Variants in FARS2 observed in about 807,000 individuals in gnomAD.
FARS2 encodes the protein phenylalanine--tRNA ligase, mitochondrial.
FARS2 carries 40 observed loss-of-function variants against 46.4 expected under a neutral mutation model. That is an observed-to-expected ratio of 0.86 (90% CI 0.67 to 1.12). FARS2 has a LOEUF of 1.12. Among genes scored for constraint, FARS2 ranks in the 50% most tolerant of loss-of-function variants. The pLI, the probability that FARS2 is intolerant of heterozygous loss-of-function variation, is 0.00. For missense variants in FARS2, 513 were observed against 567.9 expected (o/e 0.90, Z 0.98); for synonymous variants, 234 against 214.9 (o/e 1.09, Z -0.78).
intron 4 of FARS2, among the ~76,000 whole-genome samples, chr6:5,505,385 T>C (rs571942070): frequency 6.6e-6 from 1 of 152,196 alleles, no homozygotes; most frequent in Non-Finnish European, 1.5e-5. Flanking sequence ...CAGTTGTCTG[T>C]CTGGCAATGG....
At chr6:5,483,107 G>T (rs1766569213) in intron 4 of FARS2, among the ~76,000 whole-genome samples, 1 of 152,162 alleles carries the variant, frequency 6.6e-6, no homozygotes, top group African/African-American at 2.4e-5. Flanking sequence ...AGGAGGGATG[G>T]GAGCTGGTGG....
chr6:5,589,493 G>A (rs1773798507), intron 5 of FARS2, among the ~76,000 whole-genome samples: 1 of 152,184 alleles, frequency 6.6e-6, no homozygotes. Context: ...CTTTTATTTT[G>A]AAGACAGCAA....
chr6:5,592,593 CTCTT>C (rs1341451143), intron 5 of FARS2, among the ~76,000 whole-genome samples: 14 of 152,116 alleles, frequency 9.2e-5, no homozygotes, highest in Non-Finnish European at 8.8e-5. Flanking sequence ...CTACCCCAGA[CTCTT>C]TCTTTGTTTA....
Position 5,728,417 on chromosome 6 carries a change from G to A in FARS2, c.1218-42874G>A, listed in dbSNP as rs1760408533. On this transcript the variant is annotated intron_variant, in intron 6 of 6. Coordinates refer to ENST00000274680, the MANE Select transcript of FARS2 (RefSeq NM_006567.5). ...TTTGCCTGTTTTTGGAGTGAGGTTTGCTGACGCTAAAATGACTGTTTATTC... is the reference window on the plus strand; with the variant it reads ...TTTGCCTGTTTTTGGAGTGAGGTTTACTGACGCTAAAATGACTGTTTATTC... Among the ~76,000 whole-genome samples, 3 of 152,226 alleles carry A rather than the reference G, an allele frequency of 2.0e-5. No homozygotes were observed. In the South Asian group the frequency reaches 6.2e-4, roughly 32 times the overall value.
intron 4 of FARS2, among the ~76,000 whole-genome samples, chr6:5,447,864 C>A (rs192438321): frequency 1.6e-4 from 25 of 152,258 alleles, no homozygotes; most frequent in African/African-American, 5.8e-4. Context: ...CACAAATAGC[C>A]CCATAAGCAG....
At chr6:5,715,357 G>T (rs559490421) in intron 6 of FARS2, among the ~76,000 whole-genome samples, 1 of 152,054 alleles carries the variant, frequency 6.6e-6, no homozygotes, top group Admixed American at 6.5e-5. Flanking sequence ...CTGGCTTTTC[G>T]TATAGTCACA....
chr6:5,387,348 G>A (rs1431090675), intron 2 of FARS2, among the ~76,000 whole-genome samples: 2 of 152,176 alleles, frequency 1.3e-5, no homozygotes, highest in African/African-American at 2.4e-5. Context: ...TGTTACAAAG[G>A]TAGGAATGAA....
At chr6:5,766,949 G>T (rs1363172356) in intron 6 of FARS2, among the ~76,000 whole-genome samples, 1 of 150,828 alleles carries the variant, frequency 6.6e-6, no homozygotes, top group Non-Finnish European at 1.5e-5. Flanking sequence ...TGTTCTTGAG[G>T]TTCATCCACA....
chr6:5,358,671 T>C (rs1485696593), intron 1 of FARS2, among the ~76,000 whole-genome samples: 3 of 152,210 alleles, frequency 2.0e-5, no homozygotes. Context: ...TGGGAATCAC[T>C]ACAATTCCAA....
intron 4 of FARS2, among the ~76,000 whole-genome samples, chr6:5,534,326 T>A (rs1561691862): frequency 6.6e-6 from 1 of 152,222 alleles, no homozygotes; most frequent in Non-Finnish European, 1.5e-5. Flanking sequence ...AGTGTACAAT[T>A]CAGTGGCATT....
At chr6:5,402,773 C>T (rs1761336449) in intron 2 of FARS2, among the ~76,000 whole-genome samples, 2 of 152,116 alleles carry the variant, frequency 1.3e-5, no homozygotes, top group Non-Finnish European at 2.9e-5. Flanking sequence ...GGGATCCTCT[C>T]ACTTCAAATT....
intron 4 of FARS2, among the ~76,000 whole-genome samples, chr6:5,530,766 T>C (rs897249661): frequency 6.8e-6 from 1 of 147,136 alleles, no homozygotes; most frequent in Non-Finnish European, 1.5e-5. Context: ...TATATATAAA[T>C]ATTTCATATA....
intron 1 of FARS2, among the ~76,000 whole-genome samples, chr6:5,333,070 A>AT (rs1458792240): frequency 1.3e-5 from 2 of 152,232 alleles, no homozygotes; most frequent in Non-Finnish European, 2.9e-5. Context: ...AAAGTGTACC[A>AT]TTCTGCTTTC....
At chr6:5,596,156 G>A (rs762553043) in intron 5 of FARS2, among the ~76,000 whole-genome samples, 1 of 152,142 alleles carries the variant, frequency 6.6e-6, no homozygotes, top group Non-Finnish European at 1.5e-5. Context: ...GAGAGGTGCC[G>A]CCACCGTTAT....
At chr6:5,260,684 A>G, upstream of FARS2, 1 of 1,548,324 alleles carries the variant, frequency 6.5e-7, no homozygotes. Context: ...GCTCTCTCTC[A>G]GCATCGCCCG....
At chr6:5,506,600 T>G (rs142235989) in intron 4 of FARS2, among the ~76,000 whole-genome samples, 3,414 of 152,282 alleles carry the variant, frequency 0.022, 66 homozygotes, top group Non-Finnish European at 0.029. Context: ...CTGCCTAAGA[T>G]TCCAGACGGG....
rs1776246722 is a variant in FARS2, at chr6:5,630,484, T to C, written c.1217+17164T>C. Among the ~76,000 whole-genome samples, 1 of 152,218 alleles carries C rather than the reference T, an allele frequency of 6.6e-6. No individual in the cohort carries two copies. Among genetic ancestry groups the C allele is most frequent in the Non-Finnish European group, 1.5e-5 (1 of 68,034 alleles). ...CATAACTAGAGAATACTTGATTTAA[T>C]GGATTTATGCAAAGGGTTGGTGTCT... On this transcript the variant is annotated intron_variant, in intron 6 of 6. Coordinates refer to ENST00000274680, the MANE Select transcript of FARS2 (RefSeq NM_006567.5). The surrounding 1 kb of genome is among the most constrained non-coding windows in gnomAD (Gnocchi z 4.2).
At chr6:5,633,411 G>T (rs1181648203) in intron 6 of FARS2, among the ~76,000 whole-genome samples, 1 of 151,662 alleles carries the variant, frequency 6.6e-6, no homozygotes, top group East Asian at 1.9e-4. Context: ...AAGTAGCTGG[G>T]ATTACAAACA....
intron 6 of FARS2, among the ~76,000 whole-genome samples, chr6:5,650,250 G>A (rs1561777152): frequency 8.1e-6 from 1 of 122,804 alleles, no homozygotes; most frequent in Non-Finnish European, 1.7e-5. Flanking sequence ...GTCAAAGTGG[G>A]CCACATTTCT....
Sources: allele counts gnomAD v4.1 joint callset (sites outside exome capture counted in the v4.1 genomes callset), GRCh38; gene constraint gnomAD v4.1.1; non-coding constraint Gnocchi (gnomAD v3.1); transcripts MANE v1.5; gene names NCBI Gene and HGNC (gene_info 2026-07-23, HGNC 2026-07-21).